ACADSB: variants seen among roughly 807,000 people sequenced by gnomAD.
The protein encoded by ACADSB is short/branched chain specific acyl-CoA dehydrogenase, mitochondrial.
Under a neutral mutation model 54.1 loss-of-function variants are expected in ACADSB, and 40 were observed. That is an observed-to-expected ratio of 0.74 (90% CI 0.57 to 0.96). ACADSB has a LOEUF of 0.96. Among genes scored for constraint, ACADSB ranks in the 40% least tolerant of loss-of-function variants. ACADSB has a pLI of 0.00. For synonymous variants in ACADSB, 182 were observed against 182.8 expected, an observed-to-expected ratio of 1.00 and a Z score of 0.03; for missense variants, 530 against 510.4, an observed-to-expected ratio of 1.04 and a Z score of -0.37.
At chr10:123,034,049 C>T (rs1391471610) in intron 1 of ACADSB, among the ~76,000 whole-genome samples, 2 of 152,170 alleles carry the variant, frequency 1.3e-5, no homozygotes, top group East Asian at 1.9e-4. Flanking sequence ...GTTTCCCCTT[C>T]TAAAATGTCA....
intron 8 of ACADSB, among the ~76,000 whole-genome samples, chr10:123,048,951 C>G (rs1030938390): frequency 6.6e-6 from 1 of 152,114 alleles, no homozygotes; most frequent in Non-Finnish European, 1.5e-5. Flanking sequence ...CTCCTGACCT[C>G]GTGATCTGCC....
chr10:123,055,809 T>A lies in ACADSB; in HGVS notation c.*2044T>A, dbSNP rs1239233270. The A allele has an allele frequency of 1.3e-5, 2 of 152,164 alleles. No individual in the cohort carries two copies. Among genetic ancestry groups the A allele is most frequent in the Non-Finnish European group, 2.9e-5 (2 of 68,050 alleles). 9.4% of individuals were successfully genotyped at this position (152,164 alleles called of 1,614,324 possible). ...GTCAAATTTTAAACCTCCAAAATGA[T>A]CACCTTTGACTCCACGTCTCACAAT... On this transcript the variant is annotated 3_prime_UTR_variant, in exon 11 of 11. Transcript: ENST00000358776.
chr10:123,043,268 G>T, intron 6 of ACADSB, 97 bp downstream of exon 6: 2 of 1,460,460 alleles, frequency 1.4e-6, no homozygotes, highest in East Asian at 2.3e-5. Context: ...ATACTAAGTG[G>T]CTATAAGCAC....
At chr10:123,051,240 T>TTC in intron 9 of ACADSB, 54 bp downstream of exon 9, 2 of 1,474,820 alleles carry the variant, frequency 1.4e-6, no homozygotes, top group Non-Finnish European at 1.8e-6. Flanking sequence ...CTTTTTTTTT[T>TTC]CAGATATATA....
chr10:123,044,932 C>A (rs1850531049), intron 7 of ACADSB, among the ~76,000 whole-genome samples: 1 of 151,140 alleles, frequency 6.6e-6, no homozygotes, highest in Admixed American at 6.6e-5. Flanking sequence ...GAAAACTGGG[C>A]AAGTTTTTTG....
chr10:123,034,363 G>T lies in ACADSB; in HGVS notation c.50G>T (p.Arg17Ile). Residue 17 changes from arginine to isoleucine, a missense_variant, in exon 2 of 11, where the codon AGA becomes ATA. Arg to Ile is a moderately conservative substitution (Grantham distance 97). Coordinates refer to ENST00000358776, the MANE Select transcript of ACADSB (RefSeq NM_001609.4). ...TGTGTATGTTCCCTACAGCTAAGAA[G>T]AAATTTCCTGACTTGTTTGTCTTCT... Reference protein sequence around the residue: ...RLLRGSRLLRRNFLTCLSSWK... With the variant: ...RLLRGSRLLRINFLTCLSSWK... The T allele has an allele frequency of 6.2e-7, 1 of 1,613,680 alleles. No individual in the cohort carries two copies. The highest frequency in any genetic ancestry group is 1.7e-5 in the Admixed American group (1 of 60,012).
At chr10:123,036,389 TA>T in intron 2 of ACADSB, among the ~76,000 whole-genome samples, 1 of 152,356 alleles carries the variant, frequency 6.6e-6, no homozygotes, top group South Asian at 2.1e-4. Context: ...GCCCAGCTAG[TA>T]AATTTCTTTT....
At position 123,058,005 on chromosome 10, in the gene ACADSB, T is replaced by C. The variant is rs1282261577; in HGVS notation, c.*4240T>C. On this transcript the variant is annotated 3_prime_UTR_variant, in exon 11 of 11. Transcript: ENST00000358776. ...TTTCAGAAGTGTTAGGATTAGTCAG[T>C]GTCATCGCTTATGTATATGAATCAC... is the stretch of plus-strand genomic sequence containing the variant. The C allele has an allele frequency of 6.6e-6, 1 of 152,238 alleles. No individual in the cohort carries two copies. The highest frequency in any genetic ancestry group is 1.5e-5 in the Non-Finnish European group (1 of 68,044). The allele number at this position is 152,238 out of a possible 1,614,324, so 9.4% of individuals were successfully genotyped here.
At chr10:123,051,738 G>A (rs779146690) in intron 9 of ACADSB, among the ~76,000 whole-genome samples, 23 of 152,160 alleles carry the variant, frequency 1.5e-4, no homozygotes, top group Non-Finnish European at 2.5e-4. Flanking sequence ...CAGCTGTTTC[G>A]TAGCCTCAGC....
At chr10:123,048,294 A>AAGGACTGAGAGTGGC (rs1850586495) in intron 8 of ACADSB, among the ~76,000 whole-genome samples, 1 of 152,194 alleles carries the variant, frequency 6.6e-6, no homozygotes, top group African/African-American at 2.4e-5. Flanking sequence ...CAAGACCCAG[A>AAGGACTGAGAGTGGC]AGGACTGAGA....
In ACADSB at chr10:123,040,639, G is replaced by A. The variant is rs1196412213; in HGVS notation, c.477G>A (p.Lys159=). Residue 159 remains lysine, a synonymous_variant, in exon 4 of 11, where the codon AAG becomes AAA. Coordinates refer to ENST00000358776, the MANE Select transcript of ACADSB (RefSeq NM_001609.4). ...GAAAACATGGAACAGAAGAACAAAA[G>A]GCCACCTATTTGCCTCAGCTCACTA... ...LIRKHGTEEQ[K]ATYLPQLTTE... is the part of the protein sequence containing the mutation. 8.1e-6 allele frequency: 13 copies of A among 1,613,992 alleles called. No homozygotes were observed. Among genetic ancestry groups the A allele is most frequent in the Non-Finnish European group, 1.1e-5 (13 of 1,179,950 alleles).
chr10:123,010,158 T>G (rs567051722), intron 1 of ACADSB, among the ~76,000 whole-genome samples: 167 of 152,386 alleles, frequency 1.1e-3, no homozygotes, highest in Non-Finnish European at 1.9e-3. Flanking sequence ...TGACTCTGTT[T>G]TAGAGCCAAA....
chr10:123,045,898 A>G (rs1402723119), intron 7 of ACADSB, among the ~76,000 whole-genome samples: 1 of 152,236 alleles, frequency 6.6e-6, no homozygotes. Context: ...CTCAGTGGAT[A>G]CCTTTGAGAG....
chr10:123,019,062 A>G (rs1850143403), intron 1 of ACADSB, among the ~76,000 whole-genome samples: 1 of 152,240 alleles, frequency 6.6e-6, no homozygotes, highest in African/African-American at 2.4e-5. Context: ...TGTTGACACA[A>G]TTCTCATAAG....
rs749504022 is a variant in ACADSB, at chr10:123,041,303, A to G, written c.605A>G (p.Asn202Ser). The G allele has an allele frequency of 1.1e-5, 17 of 1,614,092 alleles. No homozygotes were observed. The highest frequency in any genetic ancestry group is 3.3e-5 in the Admixed American group (2 of 60,012). The change falls in exon 5 of 11, where the codon AAT becomes AGT. Residue 202 changes from asparagine (N) to serine (S), a missense_variant. Transcript: ENST00000358776. ...AAAGAGGGAGATTATTATGTCCTCA[A>G]TGGATCAAAGATGTGGATCAGCAGT... ...ADKEGDYYVL[N>S]GSKMWISSAE...
chr10:123,023,226 C>T (rs867815040), intron 1 of ACADSB, among the ~76,000 whole-genome samples: 3 of 152,180 alleles, frequency 2.0e-5, no homozygotes, highest in Non-Finnish European at 4.4e-5. Flanking sequence ...ATGCCAAACC[C>T]TGACACCTCA....
intron 1 of ACADSB, among the ~76,000 whole-genome samples, chr10:123,012,209 C>T (rs1850045682): frequency 1.3e-5 from 2 of 152,344 alleles, no homozygotes; most frequent in South Asian, 4.1e-4. Flanking sequence ...ATTCTCTGGA[C>T]ATCTGCCAGA....
At chr10:123,035,957 A>C (rs1287809044) in intron 2 of ACADSB, among the ~76,000 whole-genome samples, 2 of 152,222 alleles carry the variant, frequency 1.3e-5, no homozygotes, top group African/African-American at 4.8e-5. Flanking sequence ...CTGATTTGGA[A>C]GCTTAATTGT....
intron 1 of ACADSB, among the ~76,000 whole-genome samples, chr10:123,029,661 T>C (rs755436585): frequency 2.0e-5 from 3 of 152,240 alleles, no homozygotes; most frequent in Admixed American, 6.5e-5. Context: ...CTATAAGATA[T>C]TCTGTTGCAT....
Sources: gnomAD v4.1 joint callset for allele counts (sites outside exome capture counted in the v4.1 genomes callset) on GRCh38, gnomAD v4.1.1 for gene constraint, MANE v1.5 for transcripts, NCBI Gene and HGNC (gene_info 2026-07-23, HGNC 2026-07-21) for gene names.